The following RAB9B variants were observed in gnomAD, a reference collection of about 807,000 sequenced individuals.
The protein encoded by RAB9B is ras-related protein Rab-9B.
A neutral mutation model predicts 8.9 loss-of-function variants in RAB9B; 1 was observed. The ratio of observed to expected loss-of-function variants is 0.11; its 90% confidence interval spans 0.04 to 0.53. The LOEUF is 0.53. RAB9B is among the 20% of genes least tolerant of loss of function. The pLI is 0.93. For synonymous variants in RAB9B, 63 were observed against 57.0 expected, an observed-to-expected ratio of 1.10 and a Z score of -0.47; for missense variants, 82 against 152.9, an observed-to-expected ratio of 0.54 and a Z score of 2.45.
chrX:103,801,663 G>A, the RAB9B span, among the ~76,000 whole-genome samples: 1 of 111,466 alleles, frequency 9.0e-6, no homozygotes, highest in Admixed American at 9.6e-5. Flanking sequence ...TAAAGATGAA[G>A]CAACTGAGGC....
chrX:103,810,511 T>C, the RAB9B span, among the ~76,000 whole-genome samples: 1 of 112,223 alleles, frequency 8.9e-6, no homozygotes, highest in African/African-American at 3.2e-5. Flanking sequence ...CTGCTACAAG[T>C]AGTCTGCTGT....
the RAB9B span, among the ~76,000 whole-genome samples, chrX:103,793,824 CTT>C: frequency 5.4e-5 from 6 of 111,803 alleles, no homozygotes; most frequent in African/African-American, 1.6e-4. Flanking sequence ...AAAGAGCTCT[CTT>C]TGTGCTGAGA....
the RAB9B span, chrX:103,785,697 C>T: frequency 6.6e-6 from 8 of 1,209,838 alleles, no homozygotes; most frequent in Non-Finnish European, 9.0e-6. Flanking sequence ...ATGAAGCCCT[C>T]ACTGGCACAG....
the RAB9B span, among the ~76,000 whole-genome samples, chrX:103,807,114 T>C: frequency 1.1e-4 from 12 of 111,947 alleles, no homozygotes; most frequent in Non-Finnish European, 2.3e-4. Flanking sequence ...CTCTTTGATG[T>C]TCCAAACACT....
At chrX:103,816,843 T>C in the RAB9B span, among the ~76,000 whole-genome samples, 1 of 112,696 alleles carries the variant, frequency 8.9e-6, no homozygotes, top group African/African-American at 3.2e-5. Flanking sequence ...TCATCATCAC[T>C]GGTCATTAGA....
At chrX:103,812,755 A>G in the RAB9B span, among the ~76,000 whole-genome samples, 1 of 109,988 alleles carries the variant, frequency 9.1e-6, no homozygotes, top group Non-Finnish European at 1.9e-5. Context: ...TGCCCCTTCC[A>G]CTGTCTGATG....
the RAB9B span, chrX:103,781,309 T>A: frequency 3.7e-5 from 12 of 325,867 alleles, no homozygotes; most frequent in Admixed American, 3.8e-4. Context: ...TGGATCTGTG[T>A]AAGTCACATT....
chrX:103,823,397 A>G lies in RAB9B; in HGVS notation c.*1782T>C, dbSNP rs1431439840. 9.0e-6 allele frequency: 1 copy of G among 111,622 alleles called. No individual in the cohort carries two copies. The highest frequency in any genetic ancestry group is 1.9e-5 in the Non-Finnish European group (1 of 53,164). The allele number at this position is 111,622 out of a possible 1,213,427, so 9.2% of individuals were successfully genotyped here. A position where few individuals can be genotyped will look rare whatever the true frequency, so the allele number is the denominator to read the frequency against. Reference sequence around the variant, plus strand: ...ATATTGAGTATGACTGAGTTGAAATACTGTCCTCTTCTTTTCTATTTGGCC... The same window carrying G: ...ATATTGAGTATGACTGAGTTGAAATGCTGTCCTCTTCTTTTCTATTTGGCC... On this transcript the variant is annotated 3_prime_UTR_variant, in exon 3 of 3. Transcript: ENST00000243298.
chrX:103,810,449 A>G, the RAB9B span, among the ~76,000 whole-genome samples: 1 of 112,207 alleles, frequency 8.9e-6, no homozygotes, highest in African/African-American at 3.2e-5. Flanking sequence ...GACTTTAAGC[A>G]GGTCATGGTG....
At chrX:103,786,281 C>T in the RAB9B span, 3 of 1,086,208 alleles carry the variant, frequency 2.8e-6, no homozygotes, top group Non-Finnish European at 3.8e-6. Context: ...CACATACACC[C>T]TGTCTTCACT....
At chrX:103,827,463 T>G (rs1296700784) in intron 1 of RAB9B, among the ~76,000 whole-genome samples, 3 of 111,285 alleles carry the variant, frequency 2.7e-5, no homozygotes, top group African/African-American at 9.8e-5. Context: ...GAGATGAAAC[T>G]TCTTCCTTTT....
the RAB9B span, chrX:103,788,947 T>A: frequency 3.4e-6 from 1 of 290,974 alleles, no homozygotes; most frequent in Non-Finnish European, 6.1e-6. Flanking sequence ...GGGAAAGCAC[T>A]GTATTGAGAA....
At chrX:103,817,746 G>A (rs2074645296), downstream of RAB9B, among the ~76,000 whole-genome samples, 1 of 110,797 alleles carries the variant, frequency 9.0e-6, no homozygotes, top group African/African-American at 3.3e-5. Context: ...AGAATAATCT[G>A]ATTATTACAG....
chrX:103,820,636 G>A (rs1034397637), downstream of RAB9B, among the ~76,000 whole-genome samples: 1 of 111,133 alleles, frequency 9.0e-6, no homozygotes, highest in African/African-American at 3.3e-5. Context: ...AAGACAGGAA[G>A]TTGGCATTCT....
At chrX:103,809,626 G>A in the RAB9B span, among the ~76,000 whole-genome samples, 6 of 111,638 alleles carry the variant, frequency 5.4e-5, no homozygotes, top group Non-Finnish European at 9.4e-5. Context: ...TAACCACCTA[G>A]CCTGTGATAT....
At chrX:103,809,386 C>T in the RAB9B span, among the ~76,000 whole-genome samples, 2 of 111,787 alleles carry the variant, frequency 1.8e-5, no homozygotes, top group Non-Finnish European at 3.8e-5. Context: ...CCACAACCTC[C>T]GCCTCCTGGG....
the RAB9B span, chrX:103,789,536 G>A: frequency 6.0e-5 from 33 of 547,890 alleles, no homozygotes; most frequent in Admixed American, 8.0e-4. Flanking sequence ...AGCAAAGGGT[G>A]GAGGCTCCGT....
chrX:103,808,794 CG>C, the RAB9B span, among the ~76,000 whole-genome samples: 5 of 112,733 alleles, frequency 4.4e-5, no homozygotes, highest in African/African-American at 1.6e-4. Flanking sequence ...CCCTGGGCTT[CG>C]GGGATCCAGC....
At chrX:103,786,446 T>C in the RAB9B span, 1 of 1,203,637 alleles carries the variant, frequency 8.3e-7, no homozygotes, top group East Asian at 3.0e-5. Flanking sequence ...TGGTCTCGTT[T>C]GTCTACCTGT....
Sources: allele counts gnomAD v4.1 joint callset (sites outside exome capture counted in the v4.1 genomes callset), GRCh38; gene constraint gnomAD v4.1.1; transcripts MANE v1.5; gene names NCBI Gene and HGNC (gene_info 2026-07-23, HGNC 2026-07-21).